TMEM120B: variants seen among roughly 807,000 people sequenced by gnomAD.
TMEM120B encodes the protein transmembrane protein 120B.
Under a neutral mutation model 55.5 loss-of-function variants are expected in TMEM120B, and 31 were observed. The ratio of observed to expected loss-of-function variants is 0.56; its 90% confidence interval spans 0.42 to 0.75. TMEM120B has a LOEUF of 0.75. Among genes scored for constraint, TMEM120B ranks in the 30% least tolerant of loss-of-function variants. The probability of loss-of-function intolerance (pLI) is 0.00; values close to 1 mark genes in which losing one functional copy is unlikely to be tolerated. For missense variants in TMEM120B, 399 were observed against 425.5 expected (o/e 0.94, Z 0.55); for synonymous variants, 203 against 176.3 (o/e 1.15, Z -1.20).
At chr12:121,764,392 T>C (rs1873778868) in intron 6 of TMEM120B, among the ~76,000 whole-genome samples, 2 of 152,180 alleles carry the variant, frequency 1.3e-5, no homozygotes, top group Non-Finnish European at 2.9e-5. Flanking sequence ...TGGTGGTGCA[T>C]GCCTGTAATC....
chr12:121,776,128 C>A lies in TMEM120B; in HGVS notation c.*406C>A. On this transcript the variant is annotated 3_prime_UTR_variant, in exon 12 of 12. Coordinates refer to ENST00000449592, the MANE Select transcript of TMEM120B (RefSeq NM_001080825.2). The stretch of plus-strand genomic sequence containing the variant: ...TGACCTGCTACTTACCAGGCCCAGG[C>A]TGGGGTGGTGTGAACCCTCAGTGTC... 2.2e-6 allele frequency: 1 copy of A among 453,534 alleles called. No individual in the cohort carries two copies. Among genetic ancestry groups the A allele is most frequent in the Non-Finnish European group, 3.9e-6 (1 of 257,656 alleles). 28.1% of individuals were successfully genotyped at this position (453,534 alleles called of 1,614,324 possible).
intron 5 of TMEM120B, chr12:121,758,696 G>T: frequency 1.0e-6 from 1 of 974,454 alleles, no homozygotes; most frequent in Non-Finnish European, 1.2e-6. Context: ...TCCACGCTGT[G>T]GTCACCATGG....
At chr12:121,761,489 A>AC (rs1485053182) in intron 5 of TMEM120B, among the ~76,000 whole-genome samples, 160 bp from the exon 6 acceptor site, 2 of 152,020 alleles carry the variant, frequency 1.3e-5, no homozygotes, top group Non-Finnish European at 2.9e-5. Flanking sequence ...CGCTCAAGAG[A>AC]CCAAGCTCCC....
chr12:121,750,316 T>A, intron 3 of TMEM120B, 64 bp from the exon 4 acceptor site: 1 of 1,467,568 alleles, frequency 6.8e-7, no homozygotes, highest in South Asian at 1.1e-5. Flanking sequence ...TGTGTTGAGT[T>A]TGAATGTTGT....
At chr12:121,758,367 C>T (rs569635891) in intron 5 of TMEM120B, 2 of 985,478 alleles carry the variant, frequency 2.0e-6, no homozygotes, top group South Asian at 4.7e-5. Flanking sequence ...GGTCTGTCGC[C>T]TTCAAAGCTG....
chr12:121,736,340 T>TG (rs1895113265), intron 1 of TMEM120B, among the ~76,000 whole-genome samples: 3 of 150,994 alleles, frequency 2.0e-5, no homozygotes, highest in African/African-American at 7.3e-5. Flanking sequence ...TTTTTTTTTT[T>TG]TGTATTTTTA....
intron 3 of TMEM120B, among the ~76,000 whole-genome samples, chr12:121,749,356 A>G (rs1413376703): frequency 6.6e-6 from 1 of 152,194 alleles, no homozygotes; most frequent in Non-Finnish European, 1.5e-5. Context: ...TCTTAACCTC[A>G]GTTGGGAATC....
intron 6 of TMEM120B, among the ~76,000 whole-genome samples, chr12:121,768,529 C>T (rs938061115): frequency 2.0e-5 from 3 of 152,176 alleles, no homozygotes; most frequent in Admixed American, 6.5e-5. Context: ...AGAGAAAGCA[C>T]GTGGGCGTGT....
intron 3 of TMEM120B, among the ~76,000 whole-genome samples, chr12:121,748,655 G>A (rs1016245195): frequency 1.3e-5 from 2 of 152,060 alleles, no homozygotes; most frequent in Non-Finnish European, 2.9e-5. Context: ...TTCCTGGGAG[G>A]TCCGTTGCAA....
chr12:121,733,333 C>G (rs941680507), intron 1 of TMEM120B, among the ~76,000 whole-genome samples: 5 of 151,868 alleles, frequency 3.3e-5, no homozygotes, highest in Non-Finnish European at 7.4e-5. Context: ...CAAGCTCCGC[C>G]TCCTGGGTTC....
chr12:121,775,635 C>T lies in TMEM120B; in HGVS notation c.933C>T (p.Leu311=), dbSNP rs1351855804. 2 of 1,613,820 alleles carry T rather than the reference C, an allele frequency of 1.2e-6. No individual in the cohort carries two copies. The highest frequency in any genetic ancestry group is 2.2e-5 in the East Asian group (1 of 44,900). Residue 311 remains leucine (L), a synonymous_variant, in exon 12 of 12, where the codon CTC becomes CTT. Transcript: ENST00000449592. The surrounding 1 kb of genome is among the most constrained non-coding windows in gnomAD (Gnocchi z 4.3). ...WQVFVLAFTF[L]ILFLGNFLTT... ...TGTTCGTACTGGCGTTCACCTTCCT[C>T]ATCCTCTTCCTCGGCAACTTCCTGA...
At chr12:121,734,299 C>T (rs1386784113) in intron 1 of TMEM120B, among the ~76,000 whole-genome samples, 1 of 151,910 alleles carries the variant, frequency 6.6e-6, no homozygotes, top group East Asian at 1.9e-4. Flanking sequence ...GCTCTTGTTG[C>T]CCAGGCTGGA....
At chr12:121,740,058 C>T (rs1364997835) in intron 1 of TMEM120B, among the ~76,000 whole-genome samples, 1 of 152,046 alleles carries the variant, frequency 6.6e-6, no homozygotes. Context: ...GGATTACAGG[C>T]GTGAGCCAAC....
intron 1 of TMEM120B, among the ~76,000 whole-genome samples, chr12:121,717,488 G>A (rs995447467): frequency 4.6e-5 from 7 of 152,272 alleles, no homozygotes; most frequent in East Asian, 1.9e-4. Flanking sequence ...GTTTTACAGA[G>A]GTTAAGTCAC....
Position 121,775,953 on chromosome 12 carries a change from G to T in TMEM120B, c.*231G>T. The stretch of plus-strand genomic sequence containing the variant: ...TCCCCCATCGTCCCTGGAACCCGAG[G>T]CCTCACTCCTGTGCTTGAAGGTGGC... On this transcript the variant is annotated 3_prime_UTR_variant, in exon 12 of 12. Transcript: ENST00000449592. The surrounding 1 kb of genome is among the most constrained non-coding windows in gnomAD (Gnocchi z 4.3). 1 of 608,870 alleles carries T rather than the reference G, an allele frequency of 1.6e-6. No individual in the cohort carries two copies. Among genetic ancestry groups the T allele is most frequent in the Non-Finnish European group, 2.9e-6 (1 of 341,878 alleles). 37.7% of individuals were successfully genotyped at this position (608,870 alleles called of 1,614,324 possible). A position where few individuals can be genotyped will look rare whatever the true frequency, so the allele number is the denominator to read the frequency against.
Position 121,775,988 on chromosome 12 carries a change from G to A in TMEM120B, c.*266G>A, listed in dbSNP as rs1874232911. On this transcript the variant is annotated 3_prime_UTR_variant, in exon 12 of 12. Coordinates refer to ENST00000449592, the MANE Select transcript of TMEM120B (RefSeq NM_001080825.2). The surrounding 1 kb of genome is among the most constrained non-coding windows in gnomAD (Gnocchi z 4.3). ...TGTGCTTGAAGGTGGCTGAGGCCGG[G>A]CCAGTCTTCCTGGGGATGGGGCCTG... The A allele has an allele frequency of 1.8e-5, 11 of 595,054 alleles. No homozygotes were observed. The highest frequency in any genetic ancestry group is 3.0e-5 in the Non-Finnish European group (10 of 333,570). The allele number at this position is 595,054 out of a possible 1,614,324, so 36.9% of individuals were successfully genotyped here.
chr12:121,731,680 G>C (rs1895006490), intron 1 of TMEM120B, among the ~76,000 whole-genome samples: 3 of 152,176 alleles, frequency 2.0e-5, no homozygotes, highest in African/African-American at 7.2e-5. Context: ...GCCTAATAAT[G>C]CATTTCTTAG....
At chr12:121,738,611 A>G (rs1007005973) in intron 1 of TMEM120B, among the ~76,000 whole-genome samples, 4 of 152,206 alleles carry the variant, frequency 2.6e-5, no homozygotes, top group Non-Finnish European at 5.9e-5. Context: ...TGAATAATTC[A>G]AAAGTGATTA....
chr12:121,723,461 A>C (rs2136996362), intron 1 of TMEM120B, among the ~76,000 whole-genome samples: 1 of 152,324 alleles, frequency 6.6e-6, no homozygotes, highest in East Asian at 1.9e-4. Flanking sequence ...GGGAGGAGTC[A>C]CCAGAGCTTG....
Sources: allele counts gnomAD v4.1 joint callset (sites outside exome capture counted in the v4.1 genomes callset), GRCh38; gene constraint gnomAD v4.1.1; non-coding constraint Gnocchi (gnomAD v3.1); transcripts MANE v1.5; gene names NCBI Gene and HGNC (gene_info 2026-07-23, HGNC 2026-07-21).